WDHD1: variants seen among roughly 807,000 people sequenced by gnomAD.
The protein encoded by WDHD1 is WD repeat and HMG-box DNA binding protein 1, also known as WD repeat and HMG-box DNA-binding protein 1.
In WDHD1, 111 loss-of-function variants were observed where a neutral mutation model predicts 135.4. That is an observed-to-expected ratio of 0.82 (90% CI 0.70 to 0.96). The LOEUF (loss-of-function observed/expected upper bound fraction) is 0.96, where lower values mean the gene tolerates loss of function less well. Among genes scored for constraint, WDHD1 ranks in the 40% least tolerant of loss-of-function variants. The pLI is 0.00. For missense variants in WDHD1, 1,351 were observed against 1,336.3 expected, an observed-to-expected ratio of 1.01 and a Z score of -0.17; for synonymous variants, 434 against 439.0, an observed-to-expected ratio of 0.99 and a Z score of 0.14.
chr14:54,981,102 C>T (rs986525230), intron 16 of WDHD1, among the ~76,000 whole-genome samples: 3 of 152,198 alleles, frequency 2.0e-5, no homozygotes, highest in Non-Finnish European at 4.4e-5. Flanking sequence ...CAGAGCGAGA[C>T]TCTGTCTTCT....
At chr14:54,971,056 C>T (rs1021633780) in intron 16 of WDHD1, among the ~76,000 whole-genome samples, 1 of 152,126 alleles carries the variant, frequency 6.6e-6, no homozygotes, top group Non-Finnish European at 1.5e-5. Flanking sequence ...GAAACTGGAC[C>T]CTTAACTATC....
intron 16 of WDHD1, among the ~76,000 whole-genome samples, chr14:54,972,144 G>A (rs887202013): frequency 1.3e-5 from 2 of 151,952 alleles, no homozygotes; most frequent in East Asian, 1.9e-4. Flanking sequence ...GCGTGGTGAT[G>A]GGCGCCTGTA....
chr14:54,959,958 T>A (rs2041224516), intron 21 of WDHD1, among the ~76,000 whole-genome samples: 1 of 152,218 alleles, frequency 6.6e-6, no homozygotes, highest in African/African-American at 2.4e-5. Flanking sequence ...AATCACTGAA[T>A]GTTCAAATTA....
At chr14:55,008,490 C>G in intron 5 of WDHD1, 118 bp downstream of exon 5, 1 of 1,432,326 alleles carries the variant, frequency 7.0e-7, no homozygotes, top group Non-Finnish European at 9.5e-7. Context: ...AACTCTCTTA[C>G]TGAATAAAAC....
intron 24 of WDHD1, among the ~76,000 whole-genome samples, chr14:54,951,409 A>G (rs545684026): frequency 9.8e-5 from 15 of 152,300 alleles, no homozygotes; most frequent in African/African-American, 2.6e-4. Context: ...AGACATGGAT[A>G]AATTCCTGGA....
At chr14:54,962,412 A>G in intron 21 of WDHD1, 86 bp downstream of exon 21, 1 of 972,982 alleles carries the variant, frequency 1.0e-6, no homozygotes, top group Non-Finnish European at 1.6e-6. Flanking sequence ...TGGCCTTAAG[A>G]GTTAAGGTGT....
intron 16 of WDHD1, among the ~76,000 whole-genome samples, chr14:54,975,681 T>G (rs1382813628): frequency 6.6e-6 from 1 of 151,684 alleles, no homozygotes; most frequent in Non-Finnish European, 1.5e-5. Context: ...ATAGGAAAAT[T>G]TTATATTGAC....
At chr14:54,989,283 T>A in intron 12 of WDHD1, 71 bp from the exon 13 acceptor site, 1 of 1,086,438 alleles carries the variant, frequency 9.2e-7, no homozygotes. Flanking sequence ...GCCACAGTAG[T>A]ACAAATTAAC....
rs940475940 is a variant in WDHD1, at chr14:54,944,458, C to T, written c.3063G>A (p.Gly1021=). Residue 1021 remains glycine (G), a synonymous_variant, in exon 25 of 26, where the codon GGG becomes GGA. Transcript: ENST00000360586. ...QNTENQRPKT[G]FQMWLEENRS... is the part of the protein sequence containing the mutation. ...TATTTTCTTCTAACCACATCTGGAA[C>T]CCGGTCTTTGGCCTAAAATCACAAT... is the stretch of plus-strand genomic sequence containing the variant. 4 of 1,588,246 alleles carry T rather than the reference C, an allele frequency of 2.5e-6. No homozygotes were observed. The highest frequency in any genetic ancestry group is 3.4e-6 in the Non-Finnish European group (4 of 1,173,286).
At chr14:55,026,498 T>G (rs1049979858) in intron 2 of WDHD1, among the ~76,000 whole-genome samples, 1 of 151,992 alleles carries the variant, frequency 6.6e-6, no homozygotes, top group African/African-American at 2.4e-5. Context: ...TCTTTCCAAC[T>G]CCTCTGGAAG....
intron 21 of WDHD1, among the ~76,000 whole-genome samples, chr14:54,958,128 A>AT (rs35354246): frequency 0.13 from 17,880 of 139,864 alleles, 1,176 homozygotes; most frequent in South Asian, 0.18. Flanking sequence ...CCATCCAGCC[A>AT]TTTTTTTTTT....
intron 10 of WDHD1, among the ~76,000 whole-genome samples, chr14:54,997,262 A>G (rs780573477): frequency 2.0e-5 from 3 of 151,504 alleles, no homozygotes; most frequent in Non-Finnish European, 4.4e-5. Context: ...CACCTGGCTA[A>G]TTTTTGTATT....
rs549907659 is a variant in WDHD1 at position 55,013,332 on chromosome 14, G to T, written c.189+153C>A. Among the ~76,000 whole-genome samples, 14 of 151,020 alleles carry T rather than the reference G, an allele frequency of 9.3e-5. No homozygotes were observed. The East Asian group carries it at 2.5e-3, about 27-fold the overall frequency. On this transcript the variant is annotated intron_variant, in intron 3 of 25. Transcript: ENST00000360586. ...TTCACACCCCATCTCAAAAAAAAAT[G>T]GTAGGGCAAGTTACGGCATTATCAT...
chr14:55,012,101 T>G (rs2042180309), intron 3 of WDHD1, among the ~76,000 whole-genome samples: 2 of 152,186 alleles, frequency 1.3e-5, no homozygotes, highest in Non-Finnish European at 2.9e-5. Context: ...TTTTCATCCT[T>G]GCCAATCTTA....
intron 16 of WDHD1, among the ~76,000 whole-genome samples, chr14:54,970,319 A>C (rs1386767390): frequency 6.6e-6 from 1 of 152,232 alleles, no homozygotes; most frequent in East Asian, 1.9e-4. Flanking sequence ...AAGTTTCAGG[A>C]TACAAAATCA....
Position 55,013,589 on chromosome 14 carries a change from CAAT to C in WDHD1, c.82_84del (p.Ile28del). 6.2e-7 allele frequency: 1 copy of C among 1,613,138 alleles called. No individual in the cohort carries two copies. Among genetic ancestry groups the C allele is most frequent in the East Asian group, 2.2e-5 (1 of 44,870 alleles). On this transcript the variant is annotated inframe_deletion, in exon 3 of 26. Transcript: ENST00000360586. ...ACATCACCATCACTTCCACAAGTCA[CAAT>C]AAAACTGTGAAGAAAAGACACAAAT...
rs560170271 is a variant in WDHD1, at chr14:54,987,293, C to T, written c.1621G>A (p.Gly541Ser). ...QNEDIEAICL[G>S]QGWAAAATSA... ...GTAGCGGCAGCAGCCCATCCTTGAC[C>T]GAGACATATGGCTTCAATATCCTCA... Residue 541 changes from glycine (G) to serine (S), a missense_variant, in exon 14 of 26, where the codon GGT becomes AGT. Coordinates refer to ENST00000360586, the MANE Select transcript of WDHD1 (RefSeq NM_007086.4). The T allele has an allele frequency of 1.1e-5, 17 of 1,614,024 alleles. No homozygotes were observed. Among genetic ancestry groups the T allele is most frequent in the East Asian group, 4.5e-5 (2 of 44,866 alleles).
intron 16 of WDHD1, among the ~76,000 whole-genome samples, chr14:54,980,821 A>AAC (rs1555368944): frequency 1.0e-4 from 15 of 148,622 alleles, no homozygotes; most frequent in South Asian, 2.1e-4. Flanking sequence ...AAAAAAAAAA[A>AAC]AAAACTCAGC....
chr14:55,013,885 C>T (rs1483739690), intron 2 of WDHD1, among the ~76,000 whole-genome samples: 2 of 151,610 alleles, frequency 1.3e-5, no homozygotes, highest in African/African-American at 4.9e-5. Context: ...CCAGCCTGGG[C>T]AACAGAGCAA....
Sources: gnomAD v4.1 joint callset for allele counts (sites outside exome capture counted in the v4.1 genomes callset) on GRCh38, gnomAD v4.1.1 for gene constraint, MANE v1.5 for transcripts, NCBI Gene and HGNC (gene_info 2026-07-23, HGNC 2026-07-21) for gene names.